RPL17: variants seen among roughly 807,000 people sequenced by gnomAD.
RPL17 encodes the protein large ribosomal subunit protein uL22.
In RPL17, 2 loss-of-function variants were observed where a neutral mutation model predicts 27.7. The observed-to-expected ratio is 0.07, with a 90% CI of 0.03 to 0.23. RPL17 has a LOEUF of 0.23. Ranked by LOEUF, RPL17 falls within the 10% of genes least tolerant of loss-of-function variation. RPL17 has a pLI of 1.00. For synonymous variants in RPL17, 76 were observed against 75.5 expected (o/e 1.01, Z -0.03); for missense variants, 141 against 238.8 (o/e 0.59, Z 2.70).
At chr18:49,490,118 T>A (rs554378163) in intron 5 of RPL17, 3 of 245,348 alleles carry the variant, frequency 1.2e-5, no homozygotes, top group East Asian at 2.1e-4. Flanking sequence ...ATCATTTTGA[T>A]AATTAATCAT....
Position 49,490,514 on chromosome 18 carries a change from T to C in RPL17, c.255A>G (p.Lys85=). 6.2e-7 allele frequency: 1 copy of C among 1,614,022 alleles called. No homozygotes were observed. The highest frequency in any genetic ancestry group is 8.5e-7 in the Non-Finnish European group (1 of 1,179,914). ...TGTGCAGCAAAAATTCAGCACTCTT[T>C]TTGGGCCACCGACCTTGTGTCCAGC... ...QWGWTQGRWP[K]KSAEFLLHML... is the part of the protein sequence containing the mutation. Residue 85 remains lysine, a synonymous_variant, in exon 5 of 7, where the codon AAA becomes AAG. Coordinates refer to ENST00000580261, the MANE Select transcript of RPL17 (RefSeq NM_001035006.5).
chr18:49,492,380 G>A (rs1291216979), intron 1 of RPL17, 78 bp downstream of exon 1: 2 of 152,462 alleles, frequency 1.3e-5, no homozygotes, highest in Non-Finnish European at 2.9e-5. Context: ...GGGGCCTGGA[G>A]GCCGGCGCCC....
At chr18:49,491,194 A>G (rs2084045000) in intron 3 of RPL17, 1 of 939,138 alleles carries the variant, frequency 1.1e-6, no homozygotes, top group Non-Finnish European at 1.7e-6. Flanking sequence ...TCTGCACACT[A>G]GGTTTTCAAA....
chr18:49,492,435 A>T (rs1317005735), intron 1 of RPL17, 23 bp downstream of exon 1: 1 of 152,452 alleles, frequency 6.6e-6, no homozygotes, highest in Non-Finnish European at 1.5e-5. Context: ...GGGCCCTCGG[A>T]GCAACGCAGG....
intron 5 of RPL17, chr18:49,490,206 C>A: frequency 4.8e-6 from 2 of 419,140 alleles, no homozygotes; most frequent in Non-Finnish European, 4.3e-6. Flanking sequence ...CAGCAGAAAA[C>A]TAGAAATACT....
intron 5 of RPL17, 167 bp downstream of exon 5, chr18:49,490,287 A>G (rs2083961164): frequency 1.4e-6 from 1 of 702,874 alleles, no homozygotes; most frequent in Non-Finnish European, 2.2e-6. Flanking sequence ...AAAGGGACTC[A>G]AAAAAAATAA....
rs997022958 is a variant in RPL17 at position 49,491,098 on chromosome 18, A to G, written c.82-171T>C. On this transcript the variant is annotated intron_variant, in intron 3 of 6. Coordinates refer to ENST00000580261, the MANE Select transcript of RPL17 (RefSeq NM_001035006.5). ...AAGCCAGGTAAACTTCGTTGAAGCT[A>G]GAGAAAACTCCAAAACTCCATTTAT... 3 of 1,102,982 alleles carry G rather than the reference A, an allele frequency of 2.7e-6. No individual in the cohort carries two copies. The African/African-American group carries it at 4.7e-5, about 17-fold the overall frequency. 68.3% of individuals were successfully genotyped at this position (1,102,982 alleles called of 1,614,324 possible).
intron 2 of RPL17, 40 bp downstream of exon 2, chr18:49,491,492 C>A (rs772983293): frequency 1.9e-6 from 3 of 1,614,118 alleles, no homozygotes; most frequent in Non-Finnish European, 2.5e-6. Context: ...TTATGCCAAG[C>A]CCCAAGTAGG....
rs753183100 is a variant in RPL17, at chr18:49,490,432, AG to A, written c.315+21del. On this transcript the variant is annotated intron_variant, in intron 5 of 6. Coordinates refer to ENST00000580261, the MANE Select transcript of RPL17 (RefSeq NM_001035006.5). ...AATTAAACAACCACCCAAGTTGCACAGGATGTTAGTGGTTTGGGTACCTTAA... is the reference window on the plus strand; with the variant it reads ...AATTAAACAACCACCCAAGTTGCACAGATGTTAGTGGTTTGGGTACCTTAA... The A allele has an allele frequency of 3.1e-6, 5 of 1,611,848 alleles. No homozygotes were observed. The East Asian group carries it at 8.9e-5, about 29-fold the overall frequency.
chr18:49,488,642 G>A, intron 6 of RPL17, 76 bp from the exon 7 acceptor site: 2 of 869,324 alleles, frequency 2.3e-6, no homozygotes, highest in Admixed American at 1.9e-5. Context: ...TTATTCTGGA[G>A]GCAGGAAACC....
chr18:49,492,041 C>A (rs577190338), intron 1 of RPL17: 12 of 324,046 alleles, frequency 3.7e-5, no homozygotes, highest in Non-Finnish European at 6.1e-5. Flanking sequence ...AAGAGCCCTC[C>A]TGTACGCAAC....
chr18:49,489,261 TTC>T, intron 6 of RPL17, 96 bp downstream of exon 6: 2 of 1,359,804 alleles, frequency 1.5e-6, no homozygotes, highest in Non-Finnish European at 2.0e-6. Flanking sequence ...CAGAATAGTT[TTC>T]TTTCATAGTT....
At chr18:49,492,035 G>A (rs1410373627) in intron 1 of RPL17, 4 of 333,474 alleles carry the variant, frequency 1.2e-5, no homozygotes, top group Non-Finnish European at 2.4e-5. Context: ...CACTTTAAGA[G>A]CCCTCCTGTA....
chr18:49,489,858 A>C (rs974640889), intron 5 of RPL17, among the ~76,000 whole-genome samples: 1 of 152,194 alleles, frequency 6.6e-6, no homozygotes, highest in African/African-American at 2.4e-5. Context: ...CGAAGTCTTG[A>C]TGATAAAATT....
At chr18:49,491,996 G>C (rs371488407) in intron 1 of RPL17, 7 of 357,420 alleles carry the variant, frequency 2.0e-5, no homozygotes, top group Non-Finnish European at 3.8e-5. Flanking sequence ...AGTGAGTGCC[G>C]TCTCTCTCAA....
In RPL17 at chr18:49,488,992, G is replaced by A. The variant is rs185933457; in HGVS notation, c.507+367C>T. 7.3e-5 allele frequency among the ~76,000 whole-genome samples: 11 copies of A among 151,352 alleles called. No individual in the cohort carries two copies. The East Asian group carries it at 7.8e-4, about 11-fold the overall frequency. On this transcript the variant is annotated intron_variant, in intron 6 of 6. Coordinates refer to ENST00000580261, the MANE Select transcript of RPL17 (RefSeq NM_001035006.5). ...CGGCTCACTCCTAGTTCCTCCTCCCGGGTTCATGCCATTCTCCTGCCTCAG... is the reference window on the plus strand; with the variant it reads ...CGGCTCACTCCTAGTTCCTCCTCCCAGGTTCATGCCATTCTCCTGCCTCAG...
At chr18:49,491,223 T>C in intron 3 of RPL17, 182 bp downstream of exon 3, 6 of 1,072,714 alleles carry the variant, frequency 5.6e-6, no homozygotes, top group Non-Finnish European at 8.6e-6. Flanking sequence ...TGGTACTACT[T>C]CTCAATTTCA....
intron 4 of RPL17, 77 bp from the exon 5 acceptor site, chr18:49,490,629 T>C (rs995517080): frequency 1.2e-6 from 2 of 1,603,660 alleles, no homozygotes; most frequent in South Asian, 1.1e-5. Flanking sequence ...TTATCTGATA[T>C]CACGGTTTCT....
At chr18:49,490,397 A>G (rs374300972) in intron 5 of RPL17, 57 bp downstream of exon 5, 1 of 1,567,968 alleles carries the variant, frequency 6.4e-7, no homozygotes, top group Non-Finnish European at 8.7e-7. Flanking sequence ...AAATCTGAAC[A>G]GCCAACATTA....
Sources: gnomAD v4.1 joint callset for allele counts (sites outside exome capture counted in the v4.1 genomes callset) on GRCh38, gnomAD v4.1.1 for gene constraint, MANE v1.5 for transcripts, NCBI Gene and HGNC (gene_info 2026-07-23, HGNC 2026-07-21) for gene names.